CLCN5: variants seen among roughly 807,000 people sequenced by gnomAD.
CLCN5 encodes the protein Cl-/H+ antiporter 5.
A neutral mutation model predicts 54.0 loss-of-function variants in CLCN5; 17 were observed. That is an observed-to-expected ratio of 0.31 (90% CI 0.22 to 0.47). The LOEUF (loss-of-function observed/expected upper bound fraction) is 0.47, where lower values mean the gene tolerates loss of function less well. Ranked by LOEUF, CLCN5 falls within the 20% of genes least tolerant of loss-of-function variation. The pLI is 1.00. For missense variants in CLCN5, 448 were observed against 646.7 expected (o/e 0.69, Z 3.33); for synonymous variants, 222 against 233.0 (o/e 0.95, Z 0.43).
chrX:50,056,982 T>A (rs1557189041), intron 4 of CLCN5, among the ~76,000 whole-genome samples: 1 of 112,188 alleles, frequency 8.9e-6, no homozygotes. Context: ...GTTTCTTCTT[T>A]GTTGTCCTTC....
chrX:49,995,277 C>T (rs1342451336), intron 3 of CLCN5, among the ~76,000 whole-genome samples: 3 of 111,411 alleles, frequency 2.7e-5, no homozygotes. Context: ...ACAATAATGG[C>T]GAAGGGGAAG....
At chrX:50,069,152 C>G (rs945308273) in intron 4 of CLCN5, among the ~76,000 whole-genome samples, 2 of 111,799 alleles carry the variant, frequency 1.8e-5, no homozygotes, top group Non-Finnish European at 3.8e-5. Context: ...AAAGCATGCA[C>G]AAAAGTAATT....
intron 8 of CLCN5, among the ~76,000 whole-genome samples, chrX:50,081,119 C>T (rs1309903773): frequency 8.9e-6 from 1 of 111,922 alleles, no homozygotes; most frequent in South Asian, 3.8e-4. Flanking sequence ...CTGTTTCTAA[C>T]TACTTTTGGC....
At chrX:49,982,351 A>G (rs1928777710) in intron 3 of CLCN5, among the ~76,000 whole-genome samples, 2 of 110,733 alleles carry the variant, frequency 1.8e-5, no homozygotes, top group South Asian at 3.9e-4. Flanking sequence ...AAAAAATTCA[A>G]TTAAGGTTGC....
rs1933167394 is a variant in CLCN5 at position 50,069,964 on chromosome X, C to T, written c.249C>T (p.Thr83=). 1 of 1,208,454 alleles carries T rather than the reference C, an allele frequency of 8.3e-7. No homozygotes were observed. The highest frequency in any genetic ancestry group is 3.0e-5 in the East Asian group (1 of 33,777). ...FLEEPIPGVG[T]YDDFNTIDWV... is the part of the protein sequence containing the mutation. The stretch of plus-strand genomic sequence containing the variant: ...AGGAGCCAATCCCTGGTGTAGGGAC[C>T]TATGATGATTTCAATACAATTGATT... The change falls in exon 5 of 15, where the codon ACC becomes ACT. Residue 83 remains threonine (T), a synonymous_variant. Transcript: ENST00000376091.
intron 3 of CLCN5, among the ~76,000 whole-genome samples, chrX:49,960,776 G>T (rs1390336991): frequency 4.6e-5 from 5 of 109,874 alleles, no homozygotes; most frequent in African/African-American, 1.7e-4. Context: ...TTTTTATTCT[G>T]CCTGCAGACA....
At chrX:49,987,018 G>A (rs1016604826) in intron 3 of CLCN5, among the ~76,000 whole-genome samples, 1 of 112,393 alleles carries the variant, frequency 8.9e-6, no homozygotes, top group Non-Finnish European at 1.9e-5. Flanking sequence ...AGAAGATTAT[G>A]TAATAAGGAA....
chrX:50,079,588 A>C (rs1933592388), intron 7 of CLCN5, among the ~76,000 whole-genome samples: 1 of 112,204 alleles, frequency 8.9e-6, no homozygotes. Flanking sequence ...CAAAAAGTAT[A>C]TTCTTTCTAT....
intron 3 of CLCN5, among the ~76,000 whole-genome samples, chrX:49,969,729 C>T (rs376542735): frequency 2.7e-5 from 3 of 112,007 alleles, no homozygotes; most frequent in African/African-American, 6.5e-5. Flanking sequence ...TTGAAAGTAA[C>T]GTGGCTTCTG....
rs1240390258 is a variant in CLCN5, at chrX:50,093,429, A to G, written c.*1210A>G. On this transcript the variant is annotated 3_prime_UTR_variant, in exon 15 of 15. Coordinates refer to ENST00000376091, the MANE Select transcript of CLCN5 (RefSeq NM_001127898.4). ...CAGGATAGGCAGCTGTGACTCCCTC[A>G]AGAGTCCTTAGAATTCTAAATAAAA... 8.9e-6 allele frequency: 1 copy of G among 112,055 alleles called. No homozygotes were observed. The highest frequency in any genetic ancestry group is 1.9e-5 in the Non-Finnish European group (1 of 53,129). The allele number at this position is 112,055 out of a possible 1,213,427, so 9.2% of individuals were successfully genotyped here. A position where few individuals can be genotyped will look rare whatever the true frequency, so the allele number is the denominator to read the frequency against.
At chrX:49,975,470 A>T (rs902629781) in intron 3 of CLCN5, among the ~76,000 whole-genome samples, 7 of 111,487 alleles carry the variant, frequency 6.3e-5, no homozygotes, top group Admixed American at 5.7e-4. Flanking sequence ...AGGGAGGAAA[A>T]TAGGATTGCC....
intron 4 of CLCN5, among the ~76,000 whole-genome samples, chrX:50,049,345 T>C (rs1330583276): frequency 2.7e-5 from 3 of 111,883 alleles, no homozygotes; most frequent in African/African-American, 9.7e-5. Context: ...CCATACAGTC[T>C]AGGTGTGTAG....
At chrX:49,992,825 A>G (rs1557179179) in intron 3 of CLCN5, among the ~76,000 whole-genome samples, 1 of 111,930 alleles carries the variant, frequency 8.9e-6, no homozygotes, top group Non-Finnish European at 1.9e-5. Flanking sequence ...ATGTAGAGCT[A>G]TAATTTTTCC....
intron 3 of CLCN5, among the ~76,000 whole-genome samples, chrX:49,976,194 A>AC (rs1311612229): frequency 1.2e-4 from 13 of 112,186 alleles, no homozygotes; most frequent in African/African-American, 4.2e-4. Context: ...CTAGGGTCCT[A>AC]CCCCCAAATC....
chrX:49,994,321 G>A (rs1557179345), intron 3 of CLCN5, among the ~76,000 whole-genome samples: 2 of 111,068 alleles, frequency 1.8e-5, no homozygotes, highest in African/African-American at 6.6e-5. Context: ...AAGGTGATTA[G>A]ACAGATGTAT....
At chrX:49,965,234 A>G (rs782554663) in intron 3 of CLCN5, among the ~76,000 whole-genome samples, 5 of 110,955 alleles carry the variant, frequency 4.5e-5, no homozygotes, top group Admixed American at 1.9e-4. Flanking sequence ...ATTTTTATCA[A>G]TTTTTTCAGC....
intron 6 of CLCN5, among the ~76,000 whole-genome samples, chrX:50,074,325 C>T (rs151109660): frequency 3.5e-3 from 395 of 111,336 alleles, no homozygotes; most frequent in Non-Finnish European, 4.5e-3. Flanking sequence ...TTTTATTCTT[C>T]AGGGTAGGGG....
chrX:49,977,623 C>T (rs1346926579), intron 3 of CLCN5, among the ~76,000 whole-genome samples: 7 of 111,711 alleles, frequency 6.3e-5, no homozygotes, highest in African/African-American at 2.3e-4. Context: ...AATATGTAGT[C>T]ATTACCCAAG....
At chrX:50,025,446 G>A (rs529301327) in intron 3 of CLCN5, among the ~76,000 whole-genome samples, 1 of 106,723 alleles carries the variant, frequency 9.4e-6, no homozygotes. Context: ...CTTCTGCGTC[G>A]CTCACGCTGG....
Sources: gnomAD v4.1 joint callset for allele counts (sites outside exome capture counted in the v4.1 genomes callset) on GRCh38, gnomAD v4.1.1 for gene constraint, MANE v1.5 for transcripts, NCBI Gene and HGNC (gene_info 2026-07-23, HGNC 2026-07-21) for gene names.